CNBD2: variants seen among roughly 807,000 people sequenced by gnomAD.
The protein encoded by CNBD2 is cyclic nucleotide-binding domain-containing protein 2.
A neutral mutation model predicts 63.7 loss-of-function variants in CNBD2; 64 were observed. The observed-to-expected ratio is 1.00, with a 90% CI of 0.82 to 1.24. The LOEUF (loss-of-function observed/expected upper bound fraction) is 1.24. Among genes scored for constraint, CNBD2 ranks in the 50% most tolerant of loss-of-function variants. The pLI is 0.00. For synonymous variants in CNBD2, 229 were observed against 255.4 expected (o/e 0.90, Z 0.99); for missense variants, 691 against 713.5 (o/e 0.97, Z 0.36).
rs188840135 is a variant in CNBD2, at chr20:36,004,831, G to A, written c.971-3466G>A. 4.2e-3 allele frequency among the ~76,000 whole-genome samples: 635 copies of A among 152,214 alleles called. 4 individuals carry two copies. The highest frequency in any genetic ancestry group is 0.014 in the African/African-American group (599 of 41,540). The stretch of plus-strand genomic sequence containing the variant: ...TCCCACCTCAGCCTCCCAAAGTGCT[G>A]AGATTACAGGCATGAGCCACCGCAT... On this transcript the variant is annotated intron_variant, in intron 8 of 11. Transcript: ENST00000373973.
At chr20:36,025,878 TATA>T (rs2057276682) in intron 11 of CNBD2, among the ~76,000 whole-genome samples, 1 of 152,174 alleles carries the variant, frequency 6.6e-6, no homozygotes, top group African/African-American at 2.4e-5. Flanking sequence ...TATATCCACA[TATA>T]ATATTACTGT....
chr20:36,014,555 T>A (rs1284662104), intron 10 of CNBD2, among the ~76,000 whole-genome samples: 1 of 152,014 alleles, frequency 6.6e-6, no homozygotes, highest in East Asian at 1.9e-4. Context: ...GGTCTGGAAC[T>A]CCTGACCTCA....
chr20:36,029,514 C>T (rs1416668315), intron 11 of CNBD2, among the ~76,000 whole-genome samples: 1 of 152,130 alleles, frequency 6.6e-6, no homozygotes, highest in Non-Finnish European at 1.5e-5. Context: ...CCACCATGGC[C>T]AGTTTCAAAC....
intron 10 of CNBD2, among the ~76,000 whole-genome samples, chr20:36,015,321 TTTAC>T (rs1324118923): frequency 6.6e-6 from 1 of 152,234 alleles, no homozygotes; most frequent in Non-Finnish European, 1.5e-5. Flanking sequence ...AGGTTGTCTT[TTTAC>T]TTTGTTGGTT....
intron 7 of CNBD2, among the ~76,000 whole-genome samples, chr20:35,990,564 G>T (rs568578118): frequency 6.6e-6 from 1 of 152,112 alleles, no homozygotes; most frequent in African/African-American, 2.4e-5. Context: ...GGAGGTGGAG[G>T]TTGCAGTGAG....
intron 3 of CNBD2, among the ~76,000 whole-genome samples, chr20:35,979,264 G>T (rs1439836485): frequency 6.6e-6 from 1 of 152,170 alleles, no homozygotes; most frequent in Non-Finnish European, 1.5e-5. Context: ...GTGGTTGTGA[G>T]GAATATTAGG....
rs1265293911 is a variant in CNBD2 at position 36,011,123 on chromosome 20, C to T, written c.1149-14C>T. 1.3e-6 allele frequency: 2 copies of T among 1,516,806 alleles called. No individual in the cohort carries two copies. The highest frequency in any genetic ancestry group is 2.0e-5 in the Admixed American group (1 of 50,150). 94.0% of individuals were successfully genotyped at this position (1,516,806 alleles called of 1,614,324 possible). A position where few individuals can be genotyped will look rare whatever the true frequency, so the allele number is the denominator to read the frequency against. On this transcript the variant is annotated splice_polypyrimidine_tract_variant and intron_variant, in intron 9 of 11. Coordinates refer to ENST00000373973, the MANE Select transcript of CNBD2 (RefSeq NM_001365709.1). Reference sequence around the variant, plus strand: ...TGTTACAGATGAGCTCTCTAACAAGCTGTCACATTTCAGATCCAGGCCTGC... The same window carrying T: ...TGTTACAGATGAGCTCTCTAACAAGTTGTCACATTTCAGATCCAGGCCTGC...
chr20:36,008,584 A>G, intron 9 of CNBD2, 110 bp downstream of exon 9: 3 of 1,098,214 alleles, frequency 2.7e-6, no homozygotes, highest in Non-Finnish European at 3.8e-6. Flanking sequence ...GGTGGAGGAC[A>G]CAGGTCAATC....
At chr20:35,973,990 C>T (rs887638666) in intron 2 of CNBD2, 1 of 152,096 alleles carries the variant, frequency 6.6e-6, no homozygotes, top group African/African-American at 2.4e-5. Context: ...CAAGAAATTT[C>T]CCTAAAGGGC....
At chr20:35,973,881 G>C (rs1298631814) in intron 2 of CNBD2, 2 of 152,178 alleles carry the variant, frequency 1.3e-5, no homozygotes, top group Non-Finnish European at 2.9e-5. Flanking sequence ...GGGCTTCAAA[G>C]TTTCCCCAGC....
chr20:35,992,967 A>T (rs2056768038), intron 7 of CNBD2, among the ~76,000 whole-genome samples: 1 of 152,122 alleles, frequency 6.6e-6, no homozygotes, highest in African/African-American at 2.4e-5. Context: ...AGAAAGCTAG[A>T]GAAGATTTCC....
rs200650618 is a variant in CNBD2, at chr20:36,023,624, C to T, written c.1292C>T (p.Pro431Leu). 1.6e-5 allele frequency: 25 copies of T among 1,605,042 alleles called. No homozygotes were observed. Among genetic ancestry groups the T allele is most frequent in the Middle Eastern group, 1.7e-4 (1 of 6,020 alleles). ...EILGLHQAFL[P>L]EGECDTRPLI... ...GAGGGTCTTCACCAGGCCTTCCTTCCAGAGGGTGAATGCGACACACGACCC... is the reference window on the plus strand; with the variant it reads ...GAGGGTCTTCACCAGGCCTTCCTTCTAGAGGGTGAATGCGACACACGACCC... Residue 431 changes from proline (P) to leucine (L), a missense_variant, in exon 11 of 12, where the codon CCA becomes CTA. Pro to Leu is a moderately conservative substitution (Grantham distance 98). Coordinates refer to ENST00000373973, the MANE Select transcript of CNBD2 (RefSeq NM_001365709.1).
Position 35,975,968 on chromosome 20 carries a change from T to G in CNBD2, c.209T>G (p.Val70Gly). The G allele has an allele frequency of 6.2e-7, 1 of 1,613,086 alleles. No homozygotes were observed. The highest frequency in any genetic ancestry group is 8.5e-7 in the Non-Finnish European group (1 of 1,179,222). ...TTTCAGAAAAAGATGCAAAGCCGAG[T>G]CACATTTGATACCATGGACTTCATT... ...SFWDKKMQSR[V>G]TFDTMDFIAE... Residue 70 changes from valine (V) to glycine (G), a missense_variant, in exon 3 of 12, where the codon GTC (valine) becomes GGC (glycine). Coordinates refer to ENST00000373973, the MANE Select transcript of CNBD2 (RefSeq NM_001365709.1).
chr20:35,954,760 T>C, exon 1 of CNBD2: 1 of 566,980 alleles, frequency 1.8e-6, no homozygotes, highest in Non-Finnish European at 2.8e-6. Context: ...GCAGGTGACC[T>C]TTGCGTGCGG....
intron 2 of CNBD2, among the ~76,000 whole-genome samples, chr20:35,962,451 G>A (rs1046898141): frequency 6.6e-6 from 1 of 151,936 alleles, no homozygotes; most frequent in African/African-American, 2.4e-5. Flanking sequence ...TGATAGAGAT[G>A]GGGTTTCACC....
chr20:36,027,282 G>C (rs1489170510), intron 11 of CNBD2, among the ~76,000 whole-genome samples: 3 of 152,202 alleles, frequency 2.0e-5, no homozygotes, highest in African/African-American at 7.2e-5. Context: ...GTAGAGAAAG[G>C]GGGTATGAAG....
intron 7 of CNBD2, among the ~76,000 whole-genome samples, chr20:35,987,781 G>A (rs1200101555): frequency 6.6e-6 from 1 of 152,194 alleles, no homozygotes; most frequent in Non-Finnish European, 1.5e-5. Flanking sequence ...TCCTAAGCAT[G>A]CTTATTTACA....
At chr20:35,972,813 A>G (rs2056441274) in intron 2 of CNBD2, 47 bp downstream of exon 2, 3 of 1,587,014 alleles carry the variant, frequency 1.9e-6, no homozygotes, top group East Asian at 2.2e-5. Context: ...AAGAAGCCCA[A>G]TAAATTGCAT....
At chr20:36,013,397 A>G (rs1322895256) in intron 10 of CNBD2, among the ~76,000 whole-genome samples, 2 of 152,018 alleles carry the variant, frequency 1.3e-5, no homozygotes, top group East Asian at 1.9e-4. Flanking sequence ...CAGCCTGGGC[A>G]ACAGAGCGAG....
Sources: allele counts gnomAD v4.1 joint callset (sites outside exome capture counted in the v4.1 genomes callset), GRCh38; gene constraint gnomAD v4.1.1; transcripts MANE v1.5; gene names NCBI Gene and HGNC (gene_info 2026-07-23, HGNC 2026-07-21).